Variants in PIP5K1C observed in about 807,000 individuals in gnomAD.
PIP5K1C encodes the protein phosphatidylinositol 4-phosphate 5-kinase type-1 gamma.
A neutral mutation model predicts 80.1 loss-of-function variants in PIP5K1C; 45 were observed. The ratio of observed to expected loss-of-function variants is 0.56; its 90% CI spans 0.44 to 0.72. The LOEUF (loss-of-function observed/expected upper bound fraction) is 0.72, where lower values mean the gene tolerates loss of function less well. Among genes scored for constraint, PIP5K1C ranks in the 30% least tolerant of loss-of-function variants. PIP5K1C has a pLI of 0.00. For missense variants in PIP5K1C, 753 were observed against 954.6 expected, an observed-to-expected ratio of 0.79 and a Z score of 2.78; for synonymous variants, 498 against 420.1, an observed-to-expected ratio of 1.19 and a Z score of -2.27.
intron 5 of PIP5K1C, among the ~76,000 whole-genome samples, chr19:3,658,949 C>T (rs184596253): frequency 3.9e-5 from 6 of 152,274 alleles, no homozygotes; most frequent in East Asian, 1.9e-4. Context: ...TCGGCAGCTG[C>T]GCCGCTGACC....
chr19:3,637,551 C>T lies in PIP5K1C; in HGVS notation c.1920+1333G>A. 1 of 1,534,980 alleles carries T rather than the reference C, an allele frequency of 6.5e-7. No individual in the cohort carries two copies. Among genetic ancestry groups the T allele is most frequent in the Non-Finnish European group, 8.7e-7 (1 of 1,146,520 alleles). On this transcript the variant is annotated intron_variant, in intron 16 of 17. Transcript: ENST00000335312. The surrounding 1 kb of genome is among the most constrained non-coding windows in gnomAD (Gnocchi z 7.0). ...GGTCACTTACAGTCCCCGAGGCGCT[C>T]AGCGTCACGGCCCGCAGTCGGCGAT...
chr19:3,645,561 C>T (rs763875802), intron 11 of PIP5K1C, among the ~76,000 whole-genome samples: 57 of 152,232 alleles, frequency 3.7e-4, no homozygotes, highest in Non-Finnish European at 6.2e-4. Context: ...TTCCCCTGCC[C>T]GGGGTGCGTT....
intron 5 of PIP5K1C, among the ~76,000 whole-genome samples, chr19:3,657,560 G>A (rs577183435): frequency 2.6e-5 from 4 of 152,254 alleles, no homozygotes; most frequent in East Asian, 1.9e-4. Flanking sequence ...CGAGTGCTGC[G>A]TGCCGCCTCC....
Position 3,644,181 on chromosome 19 carries a change from G to C in PIP5K1C, c.1416C>G (p.Thr472=). 1 of 1,612,364 alleles carries C rather than the reference G, an allele frequency of 6.2e-7. No homozygotes were observed. Among genetic ancestry groups the C allele is most frequent in the Non-Finnish European group, 8.5e-7 (1 of 1,179,878 alleles). The change falls in exon 12 of 18, where the codon ACC becomes ACG. Residue 472 remains threonine (T), a synonymous_variant. Transcript: ENST00000335312. ...GGATCTGGCTGGCCGAGAAGGCAGC[G>C]GTGGGCCCCAGCGGTTTCACAGCTA... The part of the protein sequence containing the change: ...ALLAVKPLGP[T]AAFSASQIPS...
At chr19:3,690,902 C>T (rs908251786) in intron 1 of PIP5K1C, among the ~76,000 whole-genome samples, 3 of 152,082 alleles carry the variant, frequency 2.0e-5, no homozygotes, top group Admixed American at 6.6e-5. Flanking sequence ...GGGTGGAGGT[C>T]GGGGCCACGG....
intron 15 of PIP5K1C, among the ~76,000 whole-genome samples, chr19:3,639,317 C>T (rs930278971): frequency 1.3e-5 from 2 of 152,214 alleles, no homozygotes; most frequent in Admixed American, 1.3e-4. Context: ...CTGGCCTCAC[C>T]CTCACCGGCT....
intron 6 of PIP5K1C, among the ~76,000 whole-genome samples, chr19:3,654,829 A>G (rs2034567294): frequency 6.7e-6 from 1 of 148,572 alleles, no homozygotes; most frequent in South Asian, 2.1e-4. Context: ...AAAAAAAAAA[A>G]AAAAGGCCAA....
chr19:3,688,776 G>C lies in PIP5K1C; in HGVS notation c.94+11521C>G, dbSNP rs1272714168. ...GAGTGGGGGGAGAACGAGAGCGAGA[G>C]ACACACCGAGCTGGTGGGCCGGGGG... is the stretch of plus-strand genomic sequence containing the variant. On this transcript the variant is annotated intron_variant, in intron 1 of 17. Coordinates refer to ENST00000335312, the MANE Select transcript of PIP5K1C (RefSeq NM_012398.3). This position sits in a 1 kb window ranked among gnomAD's most constrained non-coding sequence, Gnocchi z 5.3. Among the ~76,000 whole-genome samples the C allele has an allele frequency of 2.6e-5, 4 of 151,866 alleles. No individual in the cohort carries two copies. Among genetic ancestry groups the C allele is most frequent in the Admixed American group, 6.6e-5 (1 of 15,260 alleles).
intron 6 of PIP5K1C, among the ~76,000 whole-genome samples, chr19:3,654,944 C>A (rs2034570067): frequency 1.3e-5 from 2 of 151,898 alleles, no homozygotes; most frequent in African/African-American, 4.8e-5. Context: ...CCCATCTCTA[C>A]TAAAAATACA....
At chr19:3,639,161 T>C in intron 15 of PIP5K1C, 145 bp from the exon 16 acceptor site, 2 of 930,634 alleles carry the variant, frequency 2.1e-6, no homozygotes, top group East Asian at 2.6e-5. Flanking sequence ...CGCGCGCTCC[T>C]GCGCTGCCAT....
At position 3,653,735 on chromosome 19, in the gene PIP5K1C, T is replaced by A. The variant is rs894602729; in HGVS notation, c.622-146A>T. The A allele has an allele frequency of 1.4e-5, 10 of 714,992 alleles. No individual in the cohort carries two copies. In the African/African-American group the frequency reaches 1.6e-4, roughly 12 times the overall value. The allele number at this position is 714,992 out of a possible 1,614,324, so 44.3% of individuals were successfully genotyped here. Reference sequence around the variant, plus strand: ...CAGAAGCCCTCGGGGACCCCGTTCCTATGCAGGCACCCAGCTGGCCTTCCC... The same window carrying A: ...CAGAAGCCCTCGGGGACCCCGTTCCAATGCAGGCACCCAGCTGGCCTTCCC... On this transcript the variant is annotated intron_variant, in intron 6 of 17. Transcript: ENST00000335312.
intron 1 of PIP5K1C, among the ~76,000 whole-genome samples, chr19:3,687,367 G>C (rs1208598461): frequency 6.6e-6 from 1 of 152,208 alleles, no homozygotes; most frequent in South Asian, 2.1e-4. Context: ...GTCTCAAAAA[G>C]AAAAGAATTT....
rs1451855403 is a variant in PIP5K1C at position 3,651,062 on chromosome 19, T to TTG, written c.1127+763_1127+764insCA. 2.7e-5 allele frequency among the ~76,000 whole-genome samples: 4 copies of TTG among 150,738 alleles called. No individual in the cohort carries two copies. In the East Asian group the frequency reaches 5.8e-4, roughly 22 times the overall value. On this transcript the variant is annotated intron_variant, in intron 8 of 17. Coordinates refer to ENST00000335312, the MANE Select transcript of PIP5K1C (RefSeq NM_012398.3). ...TGAGCCACCGCGCCCAGCGTTTTTT[T>TTG]TTTTTTTTTTAAGACAGGGTCTCAC...
At position 3,637,414 on chromosome 19, in the gene PIP5K1C, C is replaced by G; in HGVS notation, c.1920+1470G>C. The G allele has an allele frequency of 6.5e-7, 1 of 1,535,584 alleles. No individual in the cohort carries two copies. Among genetic ancestry groups the G allele is most frequent in the Non-Finnish European group, 8.7e-7 (1 of 1,146,790 alleles). On this transcript the variant is annotated intron_variant, in intron 16 of 17. Transcript: ENST00000335312. The surrounding 1 kb of genome is among the most constrained non-coding windows in gnomAD (Gnocchi z 7.0). Reference sequence around the variant, plus strand: ...GACCTCAATTGCAGCCGTGATTTACCCAAAGCCCTTCTGGAAAACAACTGA... The same window carrying G: ...GACCTCAATTGCAGCCGTGATTTACGCAAAGCCCTTCTGGAAAACAACTGA...
At chr19:3,650,084 C>CT (rs1302653659) in intron 8 of PIP5K1C, 1 of 158,222 alleles carries the variant, frequency 6.3e-6, no homozygotes, top group African/African-American at 2.4e-5. Context: ...CGCACCCCCC[C>CT]GCAGCTACAC....
intron 1 of PIP5K1C, among the ~76,000 whole-genome samples, chr19:3,667,867 AGG>A (rs1248198670): frequency 6.6e-6 from 1 of 151,976 alleles, no homozygotes; most frequent in South Asian, 2.1e-4. Context: ...GTGGGGAGTG[AGG>A]GGGGGCAGGC....
chr19:3,688,754 T>G lies in PIP5K1C; in HGVS notation c.94+11543A>C, dbSNP rs1365170049. On this transcript the variant is annotated intron_variant, in intron 1 of 17. Transcript: ENST00000335312. This position sits in a 1 kb window ranked among gnomAD's most constrained non-coding sequence, Gnocchi z 5.3. ...GGAAAGAGAGAGAGAGAGAGGAGAGTGGGGGGAGAACGAGAGCGAGAGACA... is the reference window on the plus strand; with the variant it reads ...GGAAAGAGAGAGAGAGAGAGGAGAGGGGGGGGAGAACGAGAGCGAGAGACA... 2.9e-4 allele frequency among the ~76,000 whole-genome samples: 36 copies of G among 125,350 alleles called. No individual in the cohort carries two copies. The highest frequency in any genetic ancestry group is 6.8e-4 in the East Asian group (3 of 4,392). The allele number at this position is 125,350 out of a possible 152,430, so 82.2% of individuals were successfully genotyped here.
intron 12 of PIP5K1C, 108 bp from the exon 13 acceptor site, chr19:3,643,489 G>A (rs2034070565): frequency 7.4e-7 from 1 of 1,346,074 alleles, no homozygotes; most frequent in South Asian, 1.3e-5. Flanking sequence ...CCCAGTGCCC[G>A]CCCGCCTCCC....
At chr19:3,658,527 G>A (rs1232130300) in intron 5 of PIP5K1C, among the ~76,000 whole-genome samples, 2 of 152,232 alleles carry the variant, frequency 1.3e-5, no homozygotes, top group African/African-American at 4.8e-5. Context: ...AGACACAGGC[G>A]CAGCAGCGCA....
Sources: allele counts gnomAD v4.1 joint callset (sites outside exome capture counted in the v4.1 genomes callset), GRCh38; gene constraint gnomAD v4.1.1; non-coding constraint Gnocchi (gnomAD v3.1); transcripts MANE v1.5; gene names NCBI Gene and HGNC (gene_info 2026-07-23, HGNC 2026-07-21).